DLGAP2: variants seen among roughly 807,000 people sequenced by gnomAD.
DLGAP2 encodes disks large-associated protein 2.
DLGAP2 carries 26 observed loss-of-function variants against 100.3 expected under a neutral mutation model. The ratio of observed to expected loss-of-function variants is 0.26; its 90% CI spans 0.19 to 0.36. DLGAP2 has a LOEUF of 0.36. DLGAP2 is among the 10% of genes least tolerant of loss of function. The probability of loss-of-function intolerance (pLI) is 1.00; values close to 1 mark genes in which losing one functional copy is unlikely to be tolerated. For missense variants in DLGAP2, 1,858 were observed against 1,453.2 expected, an observed-to-expected ratio of 1.28 and a Z score of -4.53; for synonymous variants, 886 against 630.1, an observed-to-expected ratio of 1.41 and a Z score of -6.08.
intron 12 of DLGAP2, among the ~76,000 whole-genome samples, chr8:1,687,690 A>G (rs978834231): frequency 2.6e-5 from 4 of 152,236 alleles, no homozygotes; most frequent in Non-Finnish European, 5.9e-5. Context: ...TGTGTTAAAG[A>G]GTATAAATTG....
intron 3 of DLGAP2, among the ~76,000 whole-genome samples, chr8:1,489,724 A>C (rs2130277033): frequency 6.6e-6 from 1 of 152,352 alleles, no homozygotes; most frequent in South Asian, 2.1e-4. Flanking sequence ...GACATTTTCC[A>C]AAGCAAACTC....
chr8:1,421,888 C>T (rs1487769388), intron 3 of DLGAP2, among the ~76,000 whole-genome samples: 4 of 152,126 alleles, frequency 2.6e-5, no homozygotes, highest in African/African-American at 9.7e-5. Context: ...ATCACTTGAA[C>T]CCGGGAGGTG....
At chr8:1,292,188 A>G (rs1322054420) in intron 3 of DLGAP2, among the ~76,000 whole-genome samples, 1 of 152,150 alleles carries the variant, frequency 6.6e-6, no homozygotes, top group Non-Finnish European at 1.5e-5. Flanking sequence ...TTGCTCATGC[A>G]CCCCCTCCTC....
chr8:1,251,641 G>C (rs1799042379), intron 2 of DLGAP2, among the ~76,000 whole-genome samples: 2 of 152,172 alleles, frequency 1.3e-5, no homozygotes. Flanking sequence ...ATGATGAGTG[G>C]AGTTTTTGGC....
At chr8:781,450 A>C (rs568940579) in intron 1 of DLGAP2, among the ~76,000 whole-genome samples, 1 of 152,280 alleles carries the variant, frequency 6.6e-6, no homozygotes, top group Non-Finnish European at 1.5e-5. Context: ...AATTGCTTAA[A>C]ATGCAAACCT....
At chr8:1,278,683 C>A (rs1350322224) in intron 3 of DLGAP2, among the ~76,000 whole-genome samples, 1 of 152,170 alleles carries the variant, frequency 6.6e-6, no homozygotes, top group African/African-American at 2.4e-5. Context: ...AGTGGTGTGA[C>A]CCTCTTATCT....
chr8:847,354 T>C (rs1013400919), intron 1 of DLGAP2, among the ~76,000 whole-genome samples: 5 of 152,368 alleles, frequency 3.3e-5, no homozygotes, highest in African/African-American at 1.2e-4. Flanking sequence ...ATTAGTGTTT[T>C]ATTTTTAATT....
Position 1,540,445 on chromosome 8 carries a change from G to A in DLGAP2, c.173-8181G>A, listed in dbSNP as rs150298967. ...GAGTCATTAATGAAAGAGAGGGAAA[G>A]GAAGGCAGGAAAACACTTTTAAAAC... On this transcript the variant is annotated intron_variant, in intron 4 of 14. Coordinates refer to ENST00000637795, the MANE Select transcript of DLGAP2 (RefSeq NM_001346810.2). Among the ~76,000 whole-genome samples, 733 of 152,258 alleles carry A rather than the reference G, an allele frequency of 4.8e-3. 6 individuals are homozygous for A. Among genetic ancestry groups the A allele is most frequent in the African/African-American group, 0.016 (659 of 41,524 alleles).
intron 3 of DLGAP2, among the ~76,000 whole-genome samples, chr8:1,267,558 CAAAATAAAATAAAAT>C (rs551085463): frequency 1.6e-5 from 1 of 63,110 alleles, no homozygotes; most frequent in South Asian, 3.8e-4. Context: ...AATTCCCGCT[CAAAATAAAATAAAAT>C]AAAATAAAAT....
chr8:1,314,973 C>A (rs1184043633), intron 3 of DLGAP2, among the ~76,000 whole-genome samples: 1 of 152,214 alleles, frequency 6.6e-6, no homozygotes, highest in African/African-American at 2.4e-5. Flanking sequence ...GTGACCTATC[C>A]CAGCAGTTCT....
chr8:828,294 C>T (rs1384046636), intron 1 of DLGAP2, among the ~76,000 whole-genome samples: 2 of 152,158 alleles, frequency 1.3e-5, no homozygotes, highest in Non-Finnish European at 2.9e-5. Flanking sequence ...TTCACCTCTG[C>T]AATCTCGACC....
intron 2 of DLGAP2, among the ~76,000 whole-genome samples, chr8:956,251 G>A (rs547210185): frequency 1.3e-5 from 2 of 152,316 alleles, no homozygotes; most frequent in African/African-American, 2.4e-5. Context: ...TGTGCACAGC[G>A]TCTGAAGACT....
chr8:832,262 G>T (rs1346598151), intron 1 of DLGAP2, among the ~76,000 whole-genome samples: 2 of 152,130 alleles, frequency 1.3e-5, no homozygotes, highest in African/African-American at 4.8e-5. Flanking sequence ...CATTGCTTTT[G>T]GTGTTTTAGT....
chr8:1,080,475 CT>C (rs2129039338), intron 2 of DLGAP2, among the ~76,000 whole-genome samples: 1 of 152,334 alleles, frequency 6.6e-6, no homozygotes, highest in Admixed American at 6.5e-5. Flanking sequence ...GGCGGGAAAG[CT>C]GCAGGGATGC....
chr8:913,233 T>C (rs550838060), intron 2 of DLGAP2, among the ~76,000 whole-genome samples: 1 of 152,218 alleles, frequency 6.6e-6, no homozygotes, highest in African/African-American at 2.4e-5. Context: ...TGGAGCACTT[T>C]GGAGGTTTAG....
intron 2 of DLGAP2, among the ~76,000 whole-genome samples, chr8:1,167,407 C>G (rs1297311672): frequency 6.6e-6 from 1 of 152,100 alleles, no homozygotes; most frequent in Non-Finnish European, 1.5e-5. Flanking sequence ...AGGGGTGAGG[C>G]TGGCAGGGCA....
At chr8:1,179,165 C>G (rs1320546936) in intron 2 of DLGAP2, among the ~76,000 whole-genome samples, 10 of 152,264 alleles carry the variant, frequency 6.6e-5, no homozygotes, top group Non-Finnish European at 1.5e-4. Flanking sequence ...TCTTTAATCC[C>G]TCAAGTGCCC....
At chr8:1,575,503 T>C (rs1357459463) in intron 6 of DLGAP2, among the ~76,000 whole-genome samples, 1 of 127,224 alleles carries the variant, frequency 7.9e-6, no homozygotes, top group Non-Finnish European at 1.8e-5. Flanking sequence ...AGTTCTAGGG[T>C]ACATGTGCAC....
At chr8:1,447,993 C>G (rs922243962) in intron 3 of DLGAP2, among the ~76,000 whole-genome samples, 3 of 151,976 alleles carry the variant, frequency 2.0e-5, no homozygotes, top group Non-Finnish European at 4.4e-5. Flanking sequence ...CTTTATTAGT[C>G]TTGCTAGCAG....
Sources: gnomAD v4.1 joint callset for allele counts (sites outside exome capture counted in the v4.1 genomes callset) on GRCh38, gnomAD v4.1.1 for gene constraint, MANE v1.5 for transcripts, NCBI Gene and HGNC (gene_info 2026-07-23, HGNC 2026-07-21) for gene names.